ADAMTS3: variants seen among roughly 807,000 people sequenced by gnomAD.
ADAMTS3 encodes A disintegrin and metalloproteinase with thrombospondin motifs 3.
Under a neutral mutation model 129.0 loss-of-function variants are expected in ADAMTS3, and 73 were observed. The ratio of observed to expected loss-of-function variants is 0.57; its 90% CI spans 0.47 to 0.69. The LOEUF (loss-of-function observed/expected upper bound fraction) is 0.69. Among genes scored for constraint, ADAMTS3 ranks in the 30% least tolerant of loss-of-function variants. The probability of loss-of-function intolerance (pLI) is 0.00; values close to 1 mark genes in which losing one functional copy is unlikely to be tolerated. For synonymous variants in ADAMTS3, 477 were observed against 510.8 expected, an observed-to-expected ratio of 0.93 and a Z score of 0.89; for missense variants, 1,457 against 1,514.5, an observed-to-expected ratio of 0.96 and a Z score of 0.63.
intron 16 of ADAMTS3, 43 bp from the exon 17 acceptor site, chr4:72,304,123 T>C (rs1430064916): frequency 6.3e-7 from 1 of 1,575,234 alleles, no homozygotes; most frequent in Non-Finnish European, 8.7e-7. Context: ...TTTTATTTTA[T>C]CATATTAAGT....
At chr4:72,326,840 A>T (rs555304712) in intron 5 of ADAMTS3, among the ~76,000 whole-genome samples, 2 of 152,298 alleles carry the variant, frequency 1.3e-5, no homozygotes, top group South Asian at 4.1e-4. Context: ...TGAAACATCT[A>T]GTTTAAATTA....
At chr4:72,530,899 G>GC (rs1257823045) in intron 3 of ADAMTS3, among the ~76,000 whole-genome samples, 2 of 135,302 alleles carry the variant, frequency 1.5e-5, no homozygotes, top group African/African-American at 2.8e-5. Context: ...ATACATATAT[G>GC]CTTTTTAGGT....
intron 3 of ADAMTS3, among the ~76,000 whole-genome samples, chr4:72,534,195 C>T (rs1051093205): frequency 6.6e-5 from 10 of 152,014 alleles, no homozygotes; most frequent in South Asian, 2.1e-4. Context: ...GGCGTGGTGG[C>T]GGGTGCCTGC....
chr4:72,529,938 A>ATCTT (rs1720932687), intron 3 of ADAMTS3, among the ~76,000 whole-genome samples: 4 of 55,058 alleles, frequency 7.3e-5, no homozygotes, highest in African/African-American at 2.9e-4. Flanking sequence ...ATAATATATT[A>ATCTT]TATTTATATA....
At position 72,417,931 on chromosome 4, in the gene ADAMTS3, T is replaced by TTAAAAAAAAAAAAAAAAAAAAA. The variant is rs76545577; in HGVS notation, c.505-2961_505-2960insTTTTTTTTTTTTTTTTTTTTTA. Among the ~76,000 whole-genome samples the TTAAAAAAAAAAAAAAAAAAAAA allele has an allele frequency of 1.4e-4, 14 of 100,678 alleles. 1 individual carries two copies. The highest frequency in any genetic ancestry group is 4.9e-4 in the African/African-American group (13 of 26,802). The allele number at this position is 100,678 out of a possible 152,430, so 66.0% of individuals were successfully genotyped here. A position where few individuals can be genotyped will look rare whatever the true frequency, so the allele number is the denominator to read the frequency against. ...CTGGGCGACAGAGGGAGACTCCATC[T>TTAAAAAAAAAAAAAAAAAAAAA]CAAAAAAAAAAAAGTAAGTACTTTA... is the stretch of plus-strand genomic sequence containing the variant. On this transcript the variant is annotated intron_variant, in intron 3 of 21. Coordinates refer to ENST00000286657, the MANE Select transcript of ADAMTS3 (RefSeq NM_014243.3).
intron 10 of ADAMTS3, among the ~76,000 whole-genome samples, chr4:72,317,854 C>T (rs1030604569): frequency 1.3e-5 from 2 of 151,996 alleles, no homozygotes; most frequent in Non-Finnish European, 2.9e-5. Flanking sequence ...TGGTAAAACC[C>T]CGTCTCTACT....
At chr4:72,453,658 T>C (rs1181104144) in intron 3 of ADAMTS3, among the ~76,000 whole-genome samples, 1 of 151,586 alleles carries the variant, frequency 6.6e-6, no homozygotes, top group Non-Finnish European at 1.5e-5. Context: ...GTAACACAAA[T>C]ACAAAGTGCT....
In ADAMTS3 at chr4:72,281,527, T is replaced by C. The variant is rs950190481; in HGVS notation, c.*1609A>G. 6.6e-6 allele frequency: 1 copy of C among 152,238 alleles called. No homozygotes were observed. Among genetic ancestry groups the C allele is most frequent in the Non-Finnish European group, 1.5e-5 (1 of 68,044 alleles). The allele number at this position is 152,238 out of a possible 1,614,324, so 9.4% of individuals were successfully genotyped here. On this transcript the variant is annotated 3_prime_UTR_variant, in exon 22 of 22. Transcript: ENST00000286657. ...ATGCACTTATCTCTTTCAAAAACTT[T>C]TAAAAATGTTTCTAATTCACAATTT...
chr4:72,362,701 T>C (rs1720760658), intron 4 of ADAMTS3, among the ~76,000 whole-genome samples: 1 of 152,154 alleles, frequency 6.6e-6, no homozygotes, highest in Non-Finnish European at 1.5e-5. Context: ...AATAAAGAGA[T>C]ATTTTGGAAA....
intron 17 of ADAMTS3, among the ~76,000 whole-genome samples, chr4:72,301,522 T>C (rs1718949566): frequency 6.6e-6 from 1 of 152,014 alleles, no homozygotes; most frequent in African/African-American, 2.4e-5. Context: ...CCCTAAAAAT[T>C]GAGTGGAGCA....
intron 2 of ADAMTS3, among the ~76,000 whole-genome samples, chr4:72,557,188 G>T (rs1721788980): frequency 6.6e-6 from 1 of 151,818 alleles, no homozygotes; most frequent in African/African-American, 2.4e-5. Flanking sequence ...TAAAGAAGCA[G>T]CTCCAACAAC....
chr4:72,534,450 C>T (rs533910621), intron 3 of ADAMTS3, among the ~76,000 whole-genome samples: 11 of 152,276 alleles, frequency 7.2e-5, no homozygotes, highest in African/African-American at 2.6e-4. Context: ...TAATGAAGAT[C>T]TGAGAATGAA....
At chr4:72,547,224 G>A (rs1010443426) in intron 3 of ADAMTS3, among the ~76,000 whole-genome samples, 3 of 152,126 alleles carry the variant, frequency 2.0e-5, no homozygotes, top group African/African-American at 7.2e-5. Flanking sequence ...ACTAGAGCAA[G>A]GATAAAGCTG....
At chr4:72,422,427 C>T (rs896892774) in intron 3 of ADAMTS3, among the ~76,000 whole-genome samples, 1 of 152,032 alleles carries the variant, frequency 6.6e-6, no homozygotes, top group Non-Finnish European at 1.5e-5. Context: ...CAAAATTTAA[C>T]ACTAATTTTT....
chr4:72,373,788 T>C (rs1366554266), intron 4 of ADAMTS3, among the ~76,000 whole-genome samples: 2 of 151,890 alleles, frequency 1.3e-5, no homozygotes, highest in South Asian at 4.2e-4. Flanking sequence ...TCATGGCAGC[T>C]ATTTGGGAGG....
chr4:72,565,545 T>C (rs1403485239), intron 2 of ADAMTS3, among the ~76,000 whole-genome samples: 1 of 152,200 alleles, frequency 6.6e-6, no homozygotes, highest in African/African-American at 2.4e-5. Flanking sequence ...TCACAAGACC[T>C]GTGGGCCAAA....
At chr4:72,507,141 A>T (rs1720183917) in intron 3 of ADAMTS3, among the ~76,000 whole-genome samples, 2 of 152,200 alleles carry the variant, frequency 1.3e-5, no homozygotes, top group African/African-American at 4.8e-5. Context: ...GTATAAATAT[A>T]GTTTGAGACC....
intron 4 of ADAMTS3, among the ~76,000 whole-genome samples, chr4:72,368,593 C>T (rs1224748243): frequency 6.6e-6 from 1 of 152,074 alleles, no homozygotes; most frequent in Non-Finnish European, 1.5e-5. Context: ...TGCTAATAAA[C>T]TGAGAAAACA....
intron 3 of ADAMTS3, among the ~76,000 whole-genome samples, chr4:72,431,571 G>C (rs1325847184): frequency 6.6e-6 from 1 of 151,910 alleles, no homozygotes; most frequent in Non-Finnish European, 1.5e-5. Context: ...ATTACCTTCA[G>C]GCTATGTGTA....
Sources: allele counts gnomAD v4.1 joint callset (sites outside exome capture counted in the v4.1 genomes callset), GRCh38; gene constraint gnomAD v4.1.1; transcripts MANE v1.5; gene names NCBI Gene and HGNC (gene_info 2026-07-23, HGNC 2026-07-21).